HELZ2: variants seen among roughly 807,000 people sequenced by gnomAD.
HELZ2 encodes 3'-5' exoribonuclease HELZ2.
Under a neutral mutation model 208.8 loss-of-function variants are expected in HELZ2, and 143 were observed. The ratio of observed to expected loss-of-function variants is 0.68; its 90% CI spans 0.60 to 0.79. HELZ2 has a LOEUF of 0.79. HELZ2 is among the 30% of genes least tolerant of loss of function. The pLI, the probability that HELZ2 is intolerant of heterozygous loss-of-function variation, is 0.00. For synonymous variants in HELZ2, 1,705 were observed against 1,693.7 expected, an observed-to-expected ratio of 1.01 and a Z score of -0.16; for missense variants, 3,690 against 3,794.5, an observed-to-expected ratio of 0.97 and a Z score of 0.72.
At chr20:63,567,502 T>C (rs1207275447) in exon 6 of HELZ2, 11 of 1,558,308 alleles carry the variant, frequency 7.1e-6, no homozygotes, top group Non-Finnish European at 8.7e-6. Flanking sequence ...GCAACAGTAC[T>C]GCAGCGTGAC....
chr20:63,563,776 C>A (rs1316897523), exon 8 of HELZ2: 9 of 1,604,250 alleles, frequency 5.6e-6, no homozygotes, highest in Admixed American at 1.7e-5. Context: ...GCCGCTGCAA[C>A]ACCACGTCCA....
chr20:63,565,907 C>T (rs756184998), exon 8 of HELZ2: 12 of 1,597,488 alleles, frequency 7.5e-6, no homozygotes, highest in Non-Finnish European at 1.0e-5. Context: ...CTCCCAGTTC[C>T]CCGCTGCCCC....
downstream of HELZ2, chr20:63,558,522 G>A (rs1271811292): frequency 1.3e-5 from 2 of 152,440 alleles, no homozygotes; most frequent in African/African-American, 4.8e-5. Flanking sequence ...CTCTGTTCCA[G>A]TAACAGATGC....
At chr20:63,567,887 C>T in intron 5 of HELZ2, 1 of 678,702 alleles carries the variant, frequency 1.5e-6, no homozygotes, top group Admixed American at 3.0e-5. Flanking sequence ...CCCAGAACCC[C>T]CAATCCAGAA....
At chr20:63,568,184 C>G in intron 5 of HELZ2, 174 bp downstream of exon 6, 2 of 619,512 alleles carry the variant, frequency 3.2e-6, no homozygotes, top group Non-Finnish European at 2.8e-6. Flanking sequence ...TGACAGCAGA[C>G]CCGGCCACCC....
exon 5 of HELZ2, chr20:63,568,534 C>T: frequency 1.9e-6 from 3 of 1,582,566 alleles, no homozygotes; most frequent in Non-Finnish European, 2.6e-6. Flanking sequence ...CCAGCTCCTG[C>T]TTGCGGTTGC....
exon 8 of HELZ2, chr20:63,566,166 C>A (rs1569034583): frequency 1.3e-6 from 2 of 1,544,514 alleles, no homozygotes; most frequent in Non-Finnish European, 1.7e-6. Flanking sequence ...GGGGCCAGTG[C>A]CCCAGGGCTG....
In HELZ2 at chr20:63,572,062, G is replaced by A. The variant is rs1275952813; in HGVS notation, c.278+46C>T. On this transcript the variant is annotated intron_variant, in intron 1 of 18. Transcript: ENST00000467148. The stretch of plus-strand genomic sequence containing the variant: ...CCTGGGAACCTCTGGTTCTGCCTAT[G>A]GTGGGCTCCTGCCCTACTCCAAGCT... The A allele has an allele frequency of 1.9e-6, 3 of 1,548,158 alleles. No individual in the cohort carries two copies. The South Asian group carries it at 3.7e-5, about 19-fold the overall frequency.
rs775299682 is a variant in HELZ2 at position 63,566,097 on chromosome 20, G to A, written c.2725C>T (p.Leu909=). ...GCCACGGCGTCCCCCACTACCACCA[G>A]CTGGGACTGGGCGCGGGTCAGGACG... Residue 909 remains leucine, a synonymous_variant, in exon 8 of 19, where the codon CTG becomes TTG. Coordinates refer to ENST00000467148, the Ensembl canonical transcript of HELZ2. 8 of 1,584,906 alleles carry A rather than the reference G, an allele frequency of 5.0e-6. No homozygotes were observed. The African/African-American group carries it at 8.0e-5, about 16-fold the overall frequency.
At chr20:63,564,980 C>A in exon 8 of HELZ2, 1 of 1,602,800 alleles carries the variant, frequency 6.2e-7, no homozygotes, top group Non-Finnish European at 8.5e-7. Context: ...CCGGACGATG[C>A]CCAGCGGGTA....
exon 8 of HELZ2, chr20:63,565,074 C>T (rs1487914070): frequency 6.4e-7 from 1 of 1,562,754 alleles, no homozygotes; most frequent in East Asian, 2.4e-5. Flanking sequence ...TCAAGCCCCA[C>T]ACGCTGCAGC....
chr20:63,562,658 C>A (rs146773053), exon 8 of HELZ2: 2 of 1,595,908 alleles, frequency 1.3e-6, no homozygotes, highest in Admixed American at 3.5e-5. Context: ...GTCTGCCCGG[C>A]GCTCCTGGTC....
chr20:63,563,752 C>A (rs75932052), exon 8 of HELZ2: 102 of 1,600,948 alleles, frequency 6.4e-5, no homozygotes, highest in Non-Finnish European at 8.5e-5. Flanking sequence ...CATGGCCCAG[C>A]GCCAGCAGGA....
At chr20:63,562,446 G>A (rs911105942) in intron 8 of HELZ2, 64 bp from the exon 10 acceptor site, 134 of 1,524,030 alleles carry the variant, frequency 8.8e-5, no homozygotes, top group Admixed American at 1.9e-4. Context: ...GCTGCCCCAC[G>A]AGCTCCCCCC....
At chr20:63,559,286 C>T (rs751878297) in exon 19 of HELZ2, 23 of 1,591,002 alleles carry the variant, frequency 1.4e-5, no homozygotes, top group Non-Finnish European at 1.0e-5. Flanking sequence ...GCGCACCTGG[C>T]CGGCAGGCAC....
intron 4 of HELZ2, 39 bp downstream of exon 5, chr20:63,569,109 C>T: frequency 6.3e-7 from 1 of 1,580,066 alleles, no homozygotes; most frequent in Non-Finnish European, 8.6e-7. Flanking sequence ...GCCCCAGCTG[C>T]TCCTGCTACC....
chr20:63,572,081 C>T lies in HELZ2; in HGVS notation c.278+27G>A, dbSNP rs755838025. On this transcript the variant is annotated intron_variant, in intron 1 of 18. Transcript: ENST00000467148. ...GCCTATGGTGGGCTCCTGCCCTACT[C>T]CAAGCTCCTGCCTCGAGTATCCTTA... 3 of 1,582,222 alleles carry T rather than the reference C, an allele frequency of 1.9e-6. No homozygotes were observed. The African/African-American group carries it at 4.0e-5, about 21-fold the overall frequency.
chr20:63,563,630 A>G, exon 8 of HELZ2: 1 of 1,542,780 alleles, frequency 6.5e-7, no homozygotes, highest in South Asian at 1.2e-5. Context: ...CTTGAGCTGC[A>G]CGGCCAGGTG....
chr20:63,564,643 G>T, exon 8 of HELZ2: 1 of 1,566,650 alleles, frequency 6.4e-7, no homozygotes, highest in Non-Finnish European at 8.7e-7. Flanking sequence ...AGAACGCAGC[G>T]CCCTGCCTTC....
Sources: gnomAD v4.1 joint callset for allele counts on GRCh38, gnomAD v4.1.1 for gene constraint, MANE v1.5 for transcripts, NCBI Gene and HGNC (gene_info 2026-07-23, HGNC 2026-07-21) for gene names.